The following CHST9 variants were observed in gnomAD, a reference collection of about 807,000 sequenced individuals.
CHST9 encodes the protein carbohydrate sulfotransferase 9.
CHST9 carries 41 observed loss-of-function variants against 44.4 expected under a neutral mutation model. The observed-to-expected ratio is 0.92, with a 90% confidence interval of 0.72 to 1.20. The LOEUF (loss-of-function observed/expected upper bound fraction) is 1.20, where lower values mean the gene tolerates loss of function less well. Ranked by LOEUF, CHST9 falls within the 50% of genes most tolerant of loss-of-function variation. CHST9 has a pLI of 0.00. For missense variants in CHST9, 504 were observed against 516.5 expected (o/e 0.98, Z 0.23); for synonymous variants, 171 against 178.4 (o/e 0.96, Z 0.33).
intron 2 of CHST9, among the ~76,000 whole-genome samples, chr18:27,100,246 G>A (rs1368235463): frequency 6.6e-6 from 1 of 152,094 alleles, no homozygotes; most frequent in Non-Finnish European, 1.5e-5. Flanking sequence ...AATTGTGACT[G>A]GGGACTTCTA....
At chr18:27,101,532 C>T (rs2058172532) in intron 2 of CHST9, among the ~76,000 whole-genome samples, 1 of 151,954 alleles carries the variant, frequency 6.6e-6, no homozygotes, top group Non-Finnish European at 1.5e-5. Context: ...ATGGAGTGAA[C>T]CCGGGAGGCG....
intron 4 of CHST9, among the ~76,000 whole-genome samples, chr18:26,964,781 G>C (rs760396202): frequency 1.3e-5 from 2 of 152,206 alleles, no homozygotes; most frequent in Non-Finnish European, 2.9e-5. Flanking sequence ...TTTGAGCTGT[G>C]CCCTTCCAGA....
intron 2 of CHST9, among the ~76,000 whole-genome samples, chr18:27,060,819 G>T (rs578044441): frequency 8.5e-5 from 13 of 152,222 alleles, no homozygotes; most frequent in African/African-American, 2.9e-4. Context: ...TAGAGATGAG[G>T]TCTCACTATG....
chr18:27,081,653 G>C (rs1037492162), intron 2 of CHST9, among the ~76,000 whole-genome samples: 8 of 152,140 alleles, frequency 5.3e-5, no homozygotes, highest in Non-Finnish European at 1.0e-4. Context: ...AATCAATGGA[G>C]TAATAAATGA....
At chr18:27,083,762 T>C (rs1371331013) in intron 2 of CHST9, among the ~76,000 whole-genome samples, 1 of 152,162 alleles carries the variant, frequency 6.6e-6, no homozygotes, top group South Asian at 2.1e-4. Flanking sequence ...CCCCATTCCA[T>C]CTGGGTTCTT....
At chr18:27,007,969 G>T (rs910079394) in intron 4 of CHST9, among the ~76,000 whole-genome samples, 1 of 152,164 alleles carries the variant, frequency 6.6e-6, no homozygotes, top group African/African-American at 2.4e-5. Context: ...ACAGAGCATT[G>T]CAAATGCTGA....
At chr18:26,997,505 A>G (rs866864917) in intron 4 of CHST9, among the ~76,000 whole-genome samples, 42 of 152,348 alleles carry the variant, frequency 2.8e-4, no homozygotes, top group African/African-American at 9.9e-4. Flanking sequence ...ATTTATCTGC[A>G]CAATGCAAGA....
chr18:27,153,546 CTGTGTG>C (rs370815871), intron 1 of CHST9, among the ~76,000 whole-genome samples: 1 of 138,504 alleles, frequency 7.2e-6, no homozygotes, highest in Admixed American at 7.5e-5. Context: ...CTCTCTCTCT[CTGTGTG>C]TGTGTGTGTG....
intron 3 of CHST9, among the ~76,000 whole-genome samples, chr18:27,047,534 G>A (rs1408147243): frequency 6.6e-6 from 1 of 151,960 alleles, no homozygotes; most frequent in East Asian, 1.9e-4. Context: ...AGATTGGAAA[G>A]GACAAAAGAG....
intron 4 of CHST9, among the ~76,000 whole-genome samples, chr18:27,014,402 C>T (rs1182767501): frequency 7.9e-6 from 1 of 127,074 alleles, no homozygotes; most frequent in Non-Finnish European, 1.6e-5. Context: ...TGCAGTGAGC[C>T]GAGATCCCGC....
chr18:26,910,123 G>A lies in CHST9; in HGVS notation c.*6136C>T, dbSNP rs2055420889. ...TGACTCATCTCTGCAGAAAGAGGTG[G>A]GAAGGAATGTCGTTGCCAGGGGACC... On this transcript the variant is annotated 3_prime_UTR_variant, in exon 6 of 6. Coordinates refer to ENST00000618847, the MANE Select transcript of CHST9 (RefSeq NM_031422.6). The A allele has an allele frequency of 6.6e-6, 1 of 152,098 alleles. No homozygotes were observed. Among genetic ancestry groups the A allele is most frequent in the Admixed American group, 6.6e-5 (1 of 15,260 alleles). 9.4% of individuals were successfully genotyped at this position (152,098 alleles called of 1,614,324 possible).
intron 2 of CHST9, among the ~76,000 whole-genome samples, chr18:27,083,400 A>T (rs1391153402): frequency 4.6e-5 from 7 of 152,162 alleles, no homozygotes; most frequent in Non-Finnish European, 1.0e-4. Context: ...TTACTTTTGT[A>T]TTACAAGGCT....
intron 3 of CHST9, among the ~76,000 whole-genome samples, chr18:27,045,056 A>C (rs183301209): frequency 3.3e-5 from 5 of 152,062 alleles, no homozygotes; most frequent in Admixed American, 2.6e-4. Flanking sequence ...GAAAAAAAAA[A>C]AAAAACCATT....
At chr18:27,112,574 T>G (rs1439201666) in intron 2 of CHST9, among the ~76,000 whole-genome samples, 1 of 118,130 alleles carries the variant, frequency 8.5e-6, no homozygotes, top group African/African-American at 3.1e-5. Context: ...TTAGGGATAT[T>G]CAACGTGTGT....
At chr18:27,057,841 A>T (rs1017551999) in intron 2 of CHST9, among the ~76,000 whole-genome samples, 14 of 152,236 alleles carry the variant, frequency 9.2e-5, no homozygotes, top group African/African-American at 3.4e-4. Flanking sequence ...GTAAAGAAAT[A>T]GTAAAATCAG....
chr18:27,101,648 A>T (rs1001314521), intron 2 of CHST9, among the ~76,000 whole-genome samples: 8 of 67,478 alleles, frequency 1.2e-4, no homozygotes, highest in African/African-American at 2.3e-4. Context: ...AAAAAAATTA[A>T]AAAAAATCTC....
chr18:27,011,035 T>C (rs1007587192), intron 4 of CHST9, among the ~76,000 whole-genome samples: 1 of 152,094 alleles, frequency 6.6e-6, no homozygotes, highest in Non-Finnish European at 1.5e-5. Flanking sequence ...CTCCTGGTGA[T>C]TTCTGATATG....
At chr18:27,049,961 C>G (rs932047336) in intron 2 of CHST9, among the ~76,000 whole-genome samples, 1 of 152,100 alleles carries the variant, frequency 6.6e-6, no homozygotes, top group Non-Finnish European at 1.5e-5. Flanking sequence ...CAGCTGAGAT[C>G]TGGGGACCTC....
intron 2 of CHST9, 111 bp downstream of exon 2, chr18:27,142,577 TG>T: frequency 1.3e-6 from 1 of 753,820 alleles, no homozygotes; most frequent in Non-Finnish European, 1.9e-6. Flanking sequence ...ACTCATTTTT[TG>T]TTGTTGAAAA....
Sources: gnomAD v4.1 joint callset for allele counts (sites outside exome capture counted in the v4.1 genomes callset) on GRCh38, gnomAD v4.1.1 for gene constraint, MANE v1.5 for transcripts, NCBI Gene and HGNC (gene_info 2026-07-23, HGNC 2026-07-21) for gene names.